Variants in NOC3L observed in about 807,000 individuals in gnomAD.
NOC3L encodes NOC3 like DNA replication regulator.
A neutral mutation model predicts 102.5 loss-of-function variants in NOC3L; 85 were observed. The ratio of observed to expected loss-of-function variants is 0.83; its 90% CI spans 0.70 to 0.99. NOC3L has a LOEUF of 0.99. Ranked by LOEUF, NOC3L falls within the 50% of genes least tolerant of loss-of-function variation. The pLI is 0.00. For missense variants in NOC3L, 878 were observed against 914.9 expected, an observed-to-expected ratio of 0.96 and a Z score of 0.52; for synonymous variants, 303 against 309.4, an observed-to-expected ratio of 0.98 and a Z score of 0.22.
chr10:94,324,827 AGT>A, the NOC3L span: 1 of 1,479,144 alleles, frequency 6.8e-7, no homozygotes, highest in Non-Finnish European at 9.4e-7. Context: ...CTTCTGAAAT[AGT>A]GTCATGTGAC....
chr10:94,327,211 A>T, the NOC3L span, among the ~76,000 whole-genome samples: 3 of 152,200 alleles, frequency 2.0e-5, no homozygotes, highest in Non-Finnish European at 4.4e-5. Flanking sequence ...CATCTATGTG[A>T]ATTGACATCC....
chr10:94,320,920 G>A, the NOC3L span, among the ~76,000 whole-genome samples: 4 of 152,268 alleles, frequency 2.6e-5, no homozygotes, highest in African/African-American at 7.2e-5. Context: ...ATTTTGTGGC[G>A]AATAAGGTGG....
intron 2 of NOC3L, 177 bp downstream of exon 2, chr10:94,361,488 T>A: frequency 1.7e-6 from 1 of 598,934 alleles, no homozygotes; most frequent in Non-Finnish European, 2.9e-6. Flanking sequence ...TGTTTTCTCA[T>A]ACTGACTGTG....
Position 94,350,286 on chromosome 10 carries a change from A to C in NOC3L, c.955T>G (p.Trp319Gly). ...CTTTTCTTCAGCTTCCTCTGCTTCC[A>C]ATCTAATCAAAAGATAACTGTAGTT... ...LENLEQMVKD[W>G]KQRKLKKSNV... The change falls in exon 9 of 21, where the codon TGG becomes GGG. Residue 319 changes from tryptophan (W) to glycine (G), a missense_variant and splice_region_variant. By Grantham distance (184) the Trp-to-Gly change is radical (BLOSUM62 -2). Coordinates refer to ENST00000371361, the MANE Select transcript of NOC3L (RefSeq NM_022451.11). The C allele has an allele frequency of 6.2e-7, 1 of 1,613,850 alleles. No individual in the cohort carries two copies. The highest frequency in any genetic ancestry group is 8.5e-7 in the Non-Finnish European group (1 of 1,179,778).
At chr10:94,339,708 C>T in intron 17 of NOC3L, 31 bp downstream of exon 17, 1 of 1,570,698 alleles carries the variant, frequency 6.4e-7, no homozygotes, top group East Asian at 2.3e-5. Flanking sequence ...ATTATAAGAA[C>T]TTAGCTCTGT....
chr10:94,358,156 C>G lies in NOC3L; in HGVS notation c.277G>C (p.Asp93His). The change falls in exon 3 of 21, where the codon GAT (aspartate) becomes CAT (histidine). Residue 93 changes from aspartate to histidine, a missense_variant. Physicochemically the swap from Asp to His is moderately conservative, Grantham distance 81 (BLOSUM62 -1). Transcript: ENST00000371361. ...EEEALPLDMM[D>H]EDDLQLMKDL... Reference sequence around the variant, plus strand: ...TTCATTAACTGTAAGTCATCTTCATCCATCATATCTAAAGGAAGGGCTTCT... The same window carrying G: ...TTCATTAACTGTAAGTCATCTTCATGCATCATATCTAAAGGAAGGGCTTCT... 3.1e-6 allele frequency: 5 copies of G among 1,611,454 alleles called. No homozygotes were observed. Among genetic ancestry groups the G allele is most frequent in the Non-Finnish European group, 4.2e-6 (5 of 1,178,418 alleles).
intron 8 of NOC3L, among the ~76,000 whole-genome samples, chr10:94,351,161 T>C (rs2054411447): frequency 6.6e-6 from 1 of 152,010 alleles, no homozygotes; most frequent in East Asian, 1.9e-4. Context: ...TCCCAGGCCC[T>C]CTCACTGGAA....
the NOC3L span, chr10:94,315,467 G>C: frequency 2.2e-6 from 1 of 455,888 alleles, no homozygotes; most frequent in Non-Finnish European, 4.4e-6. Flanking sequence ...GTAGTAACCT[G>C]TACAATATGA....
At chr10:94,355,288 A>T (rs541807084) in intron 5 of NOC3L, among the ~76,000 whole-genome samples, 195 bp from the exon 6 acceptor site, 1 of 152,336 alleles carries the variant, frequency 6.6e-6, no homozygotes, top group East Asian at 1.9e-4. Context: ...AAGCAAAGGA[A>T]GAGAAAATAA....
rs1015017876 is a variant in NOC3L, at chr10:94,345,084, G to A, written c.1390-151C>T. 4.8e-5 allele frequency: 27 copies of A among 562,776 alleles called. No homozygotes were observed. In the Middle Eastern group the frequency reaches 1.7e-3, roughly 35 times the overall value. 34.9% of individuals were successfully genotyped at this position (562,776 alleles called of 1,614,324 possible). A position where few individuals can be genotyped will look rare whatever the true frequency, so the allele number is the denominator to read the frequency against. Reference sequence around the variant, plus strand: ...TAAACAAAGTAGAGAAACATGGACGGGAAGTATATACAAACCAAATTAAAG... The same window carrying A: ...TAAACAAAGTAGAGAAACATGGACGAGAAGTATATACAAACCAAATTAAAG... On this transcript the variant is annotated intron_variant, in intron 11 of 20. Transcript: ENST00000371361.
intron 18 of NOC3L, 64 bp from the exon 19 acceptor site, chr10:94,337,938 C>A: frequency 2.5e-6 from 3 of 1,205,058 alleles, no homozygotes; most frequent in South Asian, 1.3e-5. Flanking sequence ...ACACTAGCCA[C>A]AGCAAAGATT....
chr10:94,350,888 T>C (rs960999134), intron 8 of NOC3L, among the ~76,000 whole-genome samples: 1 of 151,972 alleles, frequency 6.6e-6, no homozygotes, highest in African/African-American at 2.4e-5. Flanking sequence ...ACTCTAAGTA[T>C]AAAATACAAA....
At chr10:94,318,037 T>C in the NOC3L span, among the ~76,000 whole-genome samples, 2 of 152,206 alleles carry the variant, frequency 1.3e-5, no homozygotes, top group African/African-American at 4.8e-5. Context: ...TTTCACTTTC[T>C]AGTCACAGTG....
At position 94,341,710 on chromosome 10, in the gene NOC3L, TC is replaced by T; in HGVS notation, c.1606del (p.Asp536IlefsTer3). 1 of 1,570,844 alleles carries T rather than the reference TC, an allele frequency of 6.4e-7. No homozygotes were observed. The highest frequency in any genetic ancestry group is 8.6e-7 in the Non-Finnish European group (1 of 1,156,544). On this transcript the variant is annotated frameshift_variant, in exon 14 of 21. Coordinates refer to ENST00000371361, the MANE Select transcript of NOC3L (RefSeq NM_022451.11). LOFTEE classifies it high-confidence loss of function. ...AHLINVEFFD[D>X]LLVVLHTLIE... ...GAGAGTATGAAGAACTACTAACAGATCATCAAAAAATTCCACATTTATAAGG... is the reference window on the plus strand; with the variant it reads ...GAGAGTATGAAGAACTACTAACAGATATCAAAAAATTCCACATTTATAAGG...
At chr10:94,316,821 A>G in the NOC3L span, 2 of 1,178,178 alleles carry the variant, frequency 1.7e-6, no homozygotes, top group Non-Finnish European at 2.5e-6. Flanking sequence ...TTTACCACTC[A>G]CAACCTCCCT....
At chr10:94,342,950 T>A (rs1489071275) in intron 13 of NOC3L, among the ~76,000 whole-genome samples, 1 of 152,018 alleles carries the variant, frequency 6.6e-6, no homozygotes, top group South Asian at 2.1e-4. Flanking sequence ...CCAGGTGTGA[T>A]GGCACATGCC....
At chr10:94,326,519 A>G in the NOC3L span, among the ~76,000 whole-genome samples, 1 of 152,232 alleles carries the variant, frequency 6.6e-6, no homozygotes, top group African/African-American at 2.4e-5. Flanking sequence ...TTCTGTAATG[A>G]GGTGAAATTA....
chr10:94,323,935 A>G, the NOC3L span, among the ~76,000 whole-genome samples: 1 of 152,266 alleles, frequency 6.6e-6, no homozygotes, highest in Non-Finnish European at 1.5e-5. Context: ...TGATAGAGAT[A>G]GCCCAGTGGG....
chr10:94,334,344 T>C, intron 20 of NOC3L, 39 bp from the exon 21 acceptor site: 1 of 1,378,166 alleles, frequency 7.3e-7, no homozygotes, highest in Non-Finnish European at 1.0e-6. Context: ...AAGTTACTTA[T>C]GCTATAAGCT....
Sources: allele counts gnomAD v4.1 joint callset (sites outside exome capture counted in the v4.1 genomes callset), GRCh38; gene constraint gnomAD v4.1.1; transcripts MANE v1.5; gene names NCBI Gene and HGNC (gene_info 2026-07-23, HGNC 2026-07-21).